The following NCOR1 variants were observed in gnomAD, a reference collection of about 807,000 sequenced individuals.
NCOR1 encodes nuclear receptor corepressor 1, also known as protein phosphatase 1, regulatory subunit 109.
NCOR1 carries 63 observed loss-of-function variants against 288.1 expected under a neutral mutation model. That is an observed-to-expected ratio of 0.22 (90% CI 0.18 to 0.27). The LOEUF (loss-of-function observed/expected upper bound fraction) is 0.27. Among genes scored for constraint, NCOR1 ranks in the 10% least tolerant of loss-of-function variants. The pLI is 1.00. For synonymous variants in NCOR1, 1,007 were observed against 1,065.9 expected, an observed-to-expected ratio of 0.94 and a Z score of 1.08; for missense variants, 2,397 against 3,019.2, an observed-to-expected ratio of 0.79 and a Z score of 4.83.
chr17:16,159,975 G>A lies in NCOR1; in HGVS notation c.619-1102C>T, dbSNP rs998327279. The stretch of plus-strand genomic sequence containing the variant: ...CTCCTGAGTAGCTGGGATTACAGGC[G>A]GCCACCACCATGCCCGGCTAATTTC... On this transcript the variant is annotated intron_variant, in intron 5 of 45. Coordinates refer to ENST00000268712, the MANE Select transcript of NCOR1 (RefSeq NM_006311.4). Among the ~76,000 whole-genome samples, 22 of 151,734 alleles carry A rather than the reference G, an allele frequency of 1.4e-4. 1 individual carries two copies. The highest frequency in any genetic ancestry group is 1.9e-4 in the East Asian group (1 of 5,182).
At chr17:16,162,188 ACAG>A (rs1368116234) in intron 5 of NCOR1, among the ~76,000 whole-genome samples, 1 of 152,124 alleles carries the variant, frequency 6.6e-6, no homozygotes, top group African/African-American at 2.4e-5. Context: ...GACAGATTTG[ACAG>A]CAGATTACAT....
At position 16,156,173 on chromosome 17, in the gene NCOR1, C is replaced by T. The variant is rs147403190; in HGVS notation, c.732+2587G>A. Among the ~76,000 whole-genome samples the T allele has an allele frequency of 4.8e-3, 727 of 152,180 alleles. 1 individual carries two copies. The highest frequency in any genetic ancestry group is 7.9e-3 in the South Asian group (38 of 4,818). ...AAAAGAGGCCTGGTGCAGTGGCTGA[C>T]GCCTGTAATCCCAACACTTTGGGAG... On this transcript the variant is annotated intron_variant, in intron 6 of 45. Coordinates refer to ENST00000268712, the MANE Select transcript of NCOR1 (RefSeq NM_006311.4).
chr17:16,138,795 C>T (rs1259766624), intron 12 of NCOR1, among the ~76,000 whole-genome samples: 2 of 152,212 alleles, frequency 1.3e-5, no homozygotes, highest in Non-Finnish European at 2.9e-5. Context: ...CCACTCTTAA[C>T]ATGACTCCAT....
chr17:16,077,556 G>T (rs1390069809), intron 26 of NCOR1, among the ~76,000 whole-genome samples: 1 of 29,568 alleles, frequency 3.4e-5, no homozygotes, highest in Admixed American at 2.6e-4. Context: ...AGAGGATAGG[G>T]GAGGGGAGGA....
intron 44 of NCOR1, among the ~76,000 whole-genome samples, chr17:16,038,880 C>T (rs761311436): frequency 6.6e-6 from 1 of 152,188 alleles, no homozygotes; most frequent in Non-Finnish European, 1.5e-5. Flanking sequence ...AAGCAATTCT[C>T]CTGCCTCAGC....
intron 14 of NCOR1, among the ~76,000 whole-genome samples, chr17:16,136,348 G>C (rs1321188804): frequency 6.6e-6 from 1 of 152,016 alleles, no homozygotes; most frequent in Non-Finnish European, 1.5e-5. Context: ...ATCATGCCCG[G>C]CTAATTTTTT....
At chr17:16,200,032 A>G (rs1200761954) in intron 1 of NCOR1, among the ~76,000 whole-genome samples, 1 of 152,266 alleles carries the variant, frequency 6.6e-6, no homozygotes, top group Admixed American at 6.5e-5. Context: ...ATATTTACTC[A>G]ACAGGAAAAT....
chr17:16,080,234 C>T (rs2063192217), intron 25 of NCOR1, 170 bp from the exon 26 acceptor site: 1 of 776,360 alleles, frequency 1.3e-6, no homozygotes, highest in Admixed American at 3.0e-5. Context: ...TACTAAAGAA[C>T]TGCTGAAACA....
intron 20 of NCOR1, among the ~76,000 whole-genome samples, chr17:16,101,002 T>C (rs184285174): frequency 6.6e-5 from 10 of 152,368 alleles, no homozygotes; most frequent in African/African-American, 2.4e-4. Flanking sequence ...TTCCCTGTTA[T>C]GCTATCATAC....
intron 3 of NCOR1, among the ~76,000 whole-genome samples, chr17:16,173,846 G>A (rs977181265): frequency 1.3e-5 from 2 of 151,916 alleles, no homozygotes; most frequent in Non-Finnish European, 2.9e-5. Context: ...CGGAAGAATC[G>A]CTTGAACCCA....
intron 6 of NCOR1, among the ~76,000 whole-genome samples, chr17:16,157,597 A>G (rs1329581231): frequency 6.6e-6 from 1 of 152,190 alleles, no homozygotes; most frequent in Non-Finnish European, 1.5e-5. Context: ...TATGTGTAAG[A>G]TAGACTGACA....
chr17:16,173,821 C>T (rs2083556493), intron 3 of NCOR1, among the ~76,000 whole-genome samples: 1 of 152,032 alleles, frequency 6.6e-6, no homozygotes, highest in Non-Finnish European at 1.5e-5. Context: ...ATCCCAGCTA[C>T]TCGGGAGGCT....
chr17:16,057,229 G>A (rs2060038731), intron 40 of NCOR1: 2 of 384,290 alleles, frequency 5.2e-6, no homozygotes, highest in Non-Finnish European at 9.7e-6. Context: ...CCACTGAAGT[G>A]TCCCCAAACC....
At chr17:16,135,959 T>C (rs751150964) in intron 14 of NCOR1, among the ~76,000 whole-genome samples, 1 of 152,270 alleles carries the variant, frequency 6.6e-6, no homozygotes, top group East Asian at 1.9e-4. Context: ...TCGGAGCTCA[T>C]GCATGCAAGT....
Position 16,057,574 on chromosome 17 carries a change from T to C in NCOR1, c.6332A>G (p.His2111Arg). 2 of 1,614,176 alleles carry C rather than the reference T, an allele frequency of 1.2e-6. No homozygotes were observed. Among genetic ancestry groups the C allele is most frequent in the South Asian group, 1.1e-5 (1 of 91,088 alleles). The change falls in exon 40 of 46, where the codon CAT becomes CGT. Residue 2111 changes from histidine (H) to arginine (R), a missense_variant. His to Arg is a conservative substitution (Grantham distance 29). Coordinates refer to ENST00000268712, the MANE Select transcript of NCOR1 (RefSeq NM_006311.4). ...YSPESQAQSV[H>R]HQRPGSRVSP... ...GACCCTTGAACCTGGTCTTTGATGA[T>C]GGACAGACTGAGCCTGGGATTCTGG...
rs181279944 is a variant in NCOR1, at chr17:16,153,301, A to T, written c.789+38T>A. On this transcript the variant is annotated intron_variant, in intron 7 of 45. Coordinates refer to ENST00000268712, the MANE Select transcript of NCOR1 (RefSeq NM_006311.4). ...CCAAGAAAAACTACCACCAAAAATT[A>T]AAAAAAAAAATCACTGGAAATGAAA... is the stretch of plus-strand genomic sequence containing the variant. 1,390 of 857,768 alleles carry T rather than the reference A, an allele frequency of 1.6e-3. 11 individuals carry two copies. The African/African-American group carries it at 0.019, about 12-fold the overall frequency. The allele number at this position is 857,768 out of a possible 1,614,324, so 53.1% of individuals were successfully genotyped here.
At chr17:16,189,042 T>G (rs1391292208) in intron 2 of NCOR1, among the ~76,000 whole-genome samples, 1 of 150,534 alleles carries the variant, frequency 6.6e-6, no homozygotes, top group African/African-American at 2.4e-5. Context: ...CAAAAAAAAA[T>G]AGTCAGTCCT....
Position 16,146,363 on chromosome 17 carries a change from T to A in NCOR1, c.1082+13A>T, listed in dbSNP as rs1568320455. 1 of 1,576,546 alleles carries A rather than the reference T, an allele frequency of 6.3e-7. No homozygotes were observed. Among genetic ancestry groups the A allele is most frequent in the African/African-American group, 1.4e-5 (1 of 72,890 alleles). Reference sequence around the variant, plus strand: ...AGAAAAATATCACAGTCATTAAACATCAAACTACTCACCGCTGAAATCTTT... The same window carrying A: ...AGAAAAATATCACAGTCATTAAACAACAAACTACTCACCGCTGAAATCTTT... On this transcript the variant is annotated intron_variant, in intron 10 of 45. Coordinates refer to ENST00000268712, the MANE Select transcript of NCOR1 (RefSeq NM_006311.4).
At chr17:16,137,111 CTT>C (rs1278186512) in intron 14 of NCOR1, among the ~76,000 whole-genome samples, 198 bp downstream of exon 14, 1 of 151,942 alleles carries the variant, frequency 6.6e-6, no homozygotes. Flanking sequence ...ATAGTAGAAA[CTT>C]AAAATATATT....
Sources: allele counts gnomAD v4.1 joint callset (sites outside exome capture counted in the v4.1 genomes callset), GRCh38; gene constraint gnomAD v4.1.1; transcripts MANE v1.5; gene names NCBI Gene and HGNC (gene_info 2026-07-23, HGNC 2026-07-21).